SLC2A12: variants seen among roughly 807,000 people sequenced by gnomAD.
SLC2A12 encodes the protein solute carrier family 2, facilitated glucose transporter member 12.
Under a neutral mutation model 41.8 loss-of-function variants are expected in SLC2A12, and 23 were observed. The observed-to-expected ratio is 0.55, with a 90% CI of 0.40 to 0.78. SLC2A12 has a LOEUF of 0.78. Ranked by LOEUF, SLC2A12 falls within the 30% of genes least tolerant of loss-of-function variation. The pLI is 0.00. For synonymous variants in SLC2A12, 295 were observed against 285.9 expected (o/e 1.03, Z -0.32); for missense variants, 654 against 745.6 (o/e 0.88, Z 1.43).
intron 4 of SLC2A12, among the ~76,000 whole-genome samples, chr6:133,991,939 C>A (rs1776628771): frequency 6.6e-6 from 1 of 152,028 alleles, no homozygotes; most frequent in African/African-American, 2.4e-5. Context: ...AGTAAAAGTG[C>A]AAATGAGAAA....
intron 1 of SLC2A12, among the ~76,000 whole-genome samples, chr6:134,032,444 ATAT>A (rs1562201664): frequency 5.2e-4 from 20 of 38,338 alleles, no homozygotes; most frequent in Non-Finnish European, 7.8e-4. Context: ...ATATATATAT[ATAT>A]AAATATATAT....
rs534911387 is a variant in SLC2A12 at position 134,007,730 on chromosome 6, A to G, written c.1445-796T>C. 2.0e-5 allele frequency among the ~76,000 whole-genome samples: 3 copies of G among 152,358 alleles called. No homozygotes were observed. The South Asian group carries it at 6.2e-4, about 32-fold the overall frequency. On this transcript the variant is annotated intron_variant, in intron 2 of 4. Coordinates refer to ENST00000275230, the MANE Select transcript of SLC2A12 (RefSeq NM_145176.3). ...CCAGTTTGCCTAATAAAAAACAGCC[A>G]GAAGTTCTTACTGTGGGCTTTTACA... is the stretch of plus-strand genomic sequence containing the variant.
intron 2 of SLC2A12, among the ~76,000 whole-genome samples, chr6:134,017,515 T>C (rs1356263814): frequency 1.3e-5 from 2 of 152,148 alleles, no homozygotes; most frequent in Non-Finnish European, 2.9e-5. Context: ...GAGTTGATGT[T>C]TGCACAGGAT....
rs753771054 is a variant in SLC2A12 at position 134,029,363 on chromosome 6, G to C, written c.462C>G (p.Tyr154Ter). ...TGTGTTGAGGAGCAATCTCTGCGAT[G>C]TAAACACAAGTGGCAATGGAAGAGA... is the stretch of plus-strand genomic sequence containing the variant. Reference protein sequence around the residue: ...ISLSSIATCVYIAEIAPQHRR... With the variant: ...ISLSSIATCV The change falls in exon 2 of 5, where the codon TAC (tyrosine) becomes TAG (stop). Residue 154 changes from tyrosine to a stop codon, truncating the protein, a stop_gained. Coordinates refer to ENST00000275230, the MANE Select transcript of SLC2A12 (RefSeq NM_145176.3). LOFTEE classifies it high-confidence loss of function. 7.4e-6 allele frequency: 12 copies of C among 1,614,082 alleles called. No homozygotes were observed. Among genetic ancestry groups the C allele is most frequent in the African/African-American group, 1.3e-5 (1 of 74,932 alleles).
rs372650668 is a variant in SLC2A12, at chr6:134,021,879, C to T, written c.1444+6502G>A. Among the ~76,000 whole-genome samples the T allele has an allele frequency of 2.7e-4, 41 of 152,208 alleles. No individual in the cohort carries two copies. In the East Asian group the frequency reaches 4.1e-3, roughly 15 times the overall value. ...AGGAAGGATCTGGATAGAGCAGAGG[C>T]GGAAGGAAGGGGCCACAACAAGTGC... On this transcript the variant is annotated intron_variant, in intron 2 of 4. Transcript: ENST00000275230.
intron 4 of SLC2A12, among the ~76,000 whole-genome samples, chr6:133,991,688 G>T (rs1486398308): frequency 6.6e-6 from 1 of 152,046 alleles, no homozygotes; most frequent in Non-Finnish European, 1.5e-5. Flanking sequence ...CCTTACTCCT[G>T]CATTAACAAA....
chr6:134,035,151 CAAAA>C (rs71003662), intron 1 of SLC2A12, among the ~76,000 whole-genome samples: 3,124 of 107,754 alleles, frequency 0.029, 84 homozygotes, highest in African/African-American at 0.093. Flanking sequence ...GGCTGCCTGA[CAAAA>C]AAAAAAAAAA....
chr6:134,011,752 C>T (rs1256579313), intron 2 of SLC2A12, among the ~76,000 whole-genome samples: 4 of 151,566 alleles, frequency 2.6e-5, no homozygotes, highest in Non-Finnish European at 5.9e-5. Flanking sequence ...ATAAATAAAA[C>T]AAAAATAGGC....
chr6:133,997,936 C>T (rs941488977), intron 4 of SLC2A12, among the ~76,000 whole-genome samples: 3 of 152,190 alleles, frequency 2.0e-5, no homozygotes, highest in Non-Finnish European at 2.9e-5. Context: ...GCCATCTCAT[C>T]TTTCATAATT....
At chr6:133,993,760 A>G (rs989096630) in intron 4 of SLC2A12, among the ~76,000 whole-genome samples, 8 of 152,314 alleles carry the variant, frequency 5.3e-5, no homozygotes, top group Middle Eastern at 3.4e-3. Flanking sequence ...AGACAGGTGG[A>G]TATCTAGGAT....
chr6:133,991,770 C>G (rs979614354), intron 4 of SLC2A12, among the ~76,000 whole-genome samples: 1 of 152,164 alleles, frequency 6.6e-6, no homozygotes, highest in Non-Finnish European at 1.5e-5. Flanking sequence ...AAATGAAGAG[C>G]TGCCTTTGAA....
intron 3 of SLC2A12, 86 bp from the exon 4 acceptor site, chr6:134,002,215 C>A: frequency 7.4e-7 from 1 of 1,357,412 alleles, no homozygotes. Flanking sequence ...GCATACATAG[C>A]ACCATATGTA....
At chr6:134,024,082 C>G (rs1226443649) in intron 2 of SLC2A12, among the ~76,000 whole-genome samples, 1 of 152,230 alleles carries the variant, frequency 6.6e-6, no homozygotes. Flanking sequence ...ATCACTGGTT[C>G]CCCTTGTTGG....
rs112207263 is a variant in SLC2A12, at chr6:134,028,336, G to A, written c.1444+45C>T. 2.2e-5 allele frequency: 34 copies of A among 1,547,482 alleles called. No homozygotes were observed. The African/African-American group carries it at 2.9e-4, about 13-fold the overall frequency. On this transcript the variant is annotated intron_variant, in intron 2 of 4. Coordinates refer to ENST00000275230, the MANE Select transcript of SLC2A12 (RefSeq NM_145176.3). ...TCATGAGGTACTATAGCAGTAGGAT[G>A]CTCTGACTGGTCAAAAGCAATACAT...
At chr6:134,028,317 G>A in intron 2 of SLC2A12, 64 bp downstream of exon 2, 3 of 1,511,464 alleles carry the variant, frequency 2.0e-6, no homozygotes, top group Non-Finnish European at 2.7e-6. Context: ...ATGTTCATGA[G>A]GTACTATAGC....
At chr6:134,010,620 G>C (rs143766661) in intron 2 of SLC2A12, among the ~76,000 whole-genome samples, 8 of 152,278 alleles carry the variant, frequency 5.3e-5, no homozygotes, top group Non-Finnish European at 1.2e-4. Flanking sequence ...GGACTTGTGG[G>C]GGGGCGGAGG....
At chr6:134,019,671 G>A (rs970968874) in intron 2 of SLC2A12, among the ~76,000 whole-genome samples, 1 of 152,158 alleles carries the variant, frequency 6.6e-6, no homozygotes, top group African/African-American at 2.4e-5. Flanking sequence ...AACCTCTTCG[G>A]TAGGCTGGTG....
At chr6:134,031,552 G>T (rs763074551) in intron 1 of SLC2A12, among the ~76,000 whole-genome samples, 4 of 152,092 alleles carry the variant, frequency 2.6e-5, no homozygotes, top group Non-Finnish European at 5.9e-5. Context: ...ACTCAATACA[G>T]TACTATATGG....
At chr6:134,008,171 G>T (rs145211184) in intron 2 of SLC2A12, among the ~76,000 whole-genome samples, 1 of 152,124 alleles carries the variant, frequency 6.6e-6, no homozygotes, top group Non-Finnish European at 1.5e-5. Context: ...GGGAGAGGCC[G>T]CTCTGGCCAG....
Sources: allele counts gnomAD v4.1 joint callset (sites outside exome capture counted in the v4.1 genomes callset), GRCh38; gene constraint gnomAD v4.1.1; transcripts MANE v1.5; gene names NCBI Gene and HGNC (gene_info 2026-07-23, HGNC 2026-07-21).